Variants in SH3KBP1 observed in about 807,000 individuals in gnomAD.
SH3KBP1 encodes SH3 domain-containing kinase-binding protein 1.
A neutral mutation model predicts 50.1 loss-of-function variants in SH3KBP1; 8 were observed. The ratio of observed to expected loss-of-function variants is 0.16; its 90% CI spans 0.09 to 0.29. The LOEUF is 0.29. Ranked by LOEUF, SH3KBP1 falls within the 10% of genes least tolerant of loss-of-function variation. The pLI, the probability that SH3KBP1 is intolerant of heterozygous loss-of-function variation, is 1.00. For missense variants in SH3KBP1, 377 were observed against 535.2 expected (o/e 0.70, Z 2.92); for synonymous variants, 227 against 218.6 (o/e 1.04, Z -0.34).
intron 1 of SH3KBP1, among the ~76,000 whole-genome samples, chrX:19,868,493 T>A (rs961513707): frequency 9.2e-6 from 1 of 109,205 alleles, no homozygotes. Context: ...ACTTAAAATA[T>A]ATCCACAGCC....
chrX:19,671,442 T>C (rs2062793076), intron 6 of SH3KBP1, among the ~76,000 whole-genome samples: 1 of 110,559 alleles, frequency 9.0e-6, no homozygotes, highest in Non-Finnish European at 1.9e-5. Context: ...CGTGGCTTTA[T>C]GGAAATACTC....
At chrX:19,585,903 G>A (rs2066552671) in intron 12 of SH3KBP1, among the ~76,000 whole-genome samples, 1 of 111,741 alleles carries the variant, frequency 8.9e-6, no homozygotes, top group South Asian at 3.8e-4. Context: ...GGAATCTCAG[G>A]GCTTTCCTCC....
At chrX:19,779,212 T>C (rs765149663) in intron 2 of SH3KBP1, among the ~76,000 whole-genome samples, 6 of 106,859 alleles carry the variant, frequency 5.6e-5, no homozygotes, top group Non-Finnish European at 9.6e-5. Context: ...GGTGGGAGGA[T>C]TGCTTGACCC....
chrX:19,657,727 A>AAATAATAATAAT (rs766687828), intron 6 of SH3KBP1, among the ~76,000 whole-genome samples: 2 of 107,923 alleles, frequency 1.9e-5, no homozygotes, highest in African/African-American at 6.7e-5. Flanking sequence ...ACTCCATCTA[A>AAATAATAATAAT]AATAATAATA....
chrX:19,569,369 G>C (rs948443499), intron 12 of SH3KBP1, among the ~76,000 whole-genome samples, 181 bp from the exon 13 acceptor site: 1 of 112,240 alleles, frequency 8.9e-6, no homozygotes, highest in African/African-American at 3.2e-5. Context: ...CAGACCAGCT[G>C]ACAGGCTGGA....
intron 2 of SH3KBP1, among the ~76,000 whole-genome samples, chrX:19,797,487 C>G (rs771348273): frequency 1.8e-5 from 2 of 111,596 alleles, no homozygotes; most frequent in South Asian, 7.5e-4. Flanking sequence ...CCATACGAGG[C>G]CCAGTAGACC....
intron 6 of SH3KBP1, among the ~76,000 whole-genome samples, chrX:19,666,709 A>G (rs952887012): frequency 8.9e-6 from 1 of 112,057 alleles, no homozygotes; most frequent in African/African-American, 3.2e-5. Context: ...AAGTGAGGAC[A>G]TGGAGAAATT....
intron 6 of SH3KBP1, among the ~76,000 whole-genome samples, chrX:19,666,499 C>G (rs904242918): frequency 5.4e-5 from 6 of 110,844 alleles, no homozygotes; most frequent in Non-Finnish European, 9.4e-5. Context: ...TTTGTAGTCT[C>G]TTCAGATTAC....
chrX:19,708,938 G>A (rs940321780), intron 3 of SH3KBP1, among the ~76,000 whole-genome samples: 8 of 111,708 alleles, frequency 7.2e-5, no homozygotes, highest in African/African-American at 2.6e-4. Context: ...GTTAGCTGAA[G>A]CCATAAAACT....
chrX:19,737,181 G>A (rs1414078435), intron 3 of SH3KBP1, among the ~76,000 whole-genome samples: 1 of 111,140 alleles, frequency 9.0e-6, no homozygotes, highest in East Asian at 2.8e-4. Flanking sequence ...CAAAGTGTTG[G>A]GATTACAGGT....
intron 2 of SH3KBP1, among the ~76,000 whole-genome samples, chrX:19,775,783 G>A (rs1324911977): frequency 9.0e-6 from 1 of 111,645 alleles, no homozygotes; most frequent in Non-Finnish European, 1.9e-5. Context: ...CTAAAGATCT[G>A]CTTTAAATGG....
intron 8 of SH3KBP1, among the ~76,000 whole-genome samples, chrX:19,620,609 G>A (rs1352493044): frequency 1.8e-5 from 2 of 111,796 alleles, no homozygotes. Context: ...CTGTCTGTCT[G>A]CCACCACAGG....
chrX:19,567,541 A>ATATATAT (rs2065882044), intron 13 of SH3KBP1, among the ~76,000 whole-genome samples: 2 of 69,732 alleles, frequency 2.9e-5, no homozygotes, highest in African/African-American at 1.4e-4. Context: ...AAAAAAAAAA[A>ATATATAT]AAAAAAAAAA....
chrX:19,764,986 C>CTTT (rs34368819), intron 2 of SH3KBP1, among the ~76,000 whole-genome samples: 726 of 44,555 alleles, frequency 0.016, 98 homozygotes, highest in African/African-American at 0.055. Flanking sequence ...TTTTGCAGTT[C>CTTT]TTTTTTTTTT....
intron 6 of SH3KBP1, among the ~76,000 whole-genome samples, chrX:19,674,093 C>A (rs762209090): frequency 1.6e-3 from 177 of 111,944 alleles, no homozygotes; most frequent in African/African-American, 5.6e-3. Context: ...TAGTCTTTCC[C>A]CTTACATTAT....
At chrX:19,773,379 C>G (rs2065847789) in intron 2 of SH3KBP1, among the ~76,000 whole-genome samples, 1 of 111,046 alleles carries the variant, frequency 9.0e-6, no homozygotes, top group African/African-American at 3.3e-5. Context: ...GAGTCATCTG[C>G]ATTCACTAGT....
At chrX:19,677,962 A>G (rs1169109186) in intron 6 of SH3KBP1, among the ~76,000 whole-genome samples, 1 of 111,933 alleles carries the variant, frequency 8.9e-6, no homozygotes, top group African/African-American at 3.3e-5. Flanking sequence ...TGCTCAGCTT[A>G]GCTCTTCTCT....
At chrX:19,815,158 G>A (rs767560576) in intron 2 of SH3KBP1, among the ~76,000 whole-genome samples, 1 of 111,554 alleles carries the variant, frequency 9.0e-6, no homozygotes, top group African/African-American at 3.3e-5. Context: ...AAACAACAAG[G>A]ACAAGAGTTA....
intron 2 of SH3KBP1, among the ~76,000 whole-genome samples, chrX:19,795,861 C>T (rs1283007273): frequency 8.9e-6 from 1 of 111,941 alleles, no homozygotes; most frequent in Non-Finnish European, 1.9e-5. Flanking sequence ...TACCCTCATG[C>T]GCATTTTATG....
Sources: allele counts gnomAD v4.1 joint callset (sites outside exome capture counted in the v4.1 genomes callset), GRCh38; gene constraint gnomAD v4.1.1; transcripts MANE v1.5; gene names NCBI Gene and HGNC (gene_info 2026-07-23, HGNC 2026-07-21).